Variants in GATAD2A observed in about 807,000 individuals in gnomAD.
The protein encoded by GATAD2A is GATA zinc finger domain containing 2A.
A neutral mutation model predicts 68.5 loss-of-function variants in GATAD2A; 12 were observed. The ratio of observed to expected loss-of-function variants is 0.18; its 90% CI spans 0.11 to 0.28. The LOEUF (loss-of-function observed/expected upper bound fraction) is 0.28. GATAD2A is among the 10% of genes least tolerant of loss of function. The pLI is 1.00. For synonymous variants in GATAD2A, 410 were observed against 375.3 expected (o/e 1.09, Z -1.07); for missense variants, 755 against 868.5 (o/e 0.87, Z 1.64).
chr19:19,394,044 G>A (rs1170752720), intron 1 of GATAD2A, among the ~76,000 whole-genome samples: 2 of 151,786 alleles, frequency 1.3e-5, no homozygotes, highest in African/African-American at 4.8e-5. Context: ...CTGCCACCAC[G>A]GCTGGCTAAT....
intron 1 of GATAD2A, among the ~76,000 whole-genome samples, chr19:19,398,635 G>A (rs1414260312): frequency 6.6e-6 from 1 of 151,338 alleles, no homozygotes; most frequent in African/African-American, 2.4e-5. Context: ...GCCCGGCCTA[G>A]AACAATTTAA....
At chr19:19,393,518 A>G (rs775669873) in intron 1 of GATAD2A, among the ~76,000 whole-genome samples, 13 of 152,312 alleles carry the variant, frequency 8.5e-5, no homozygotes, top group Middle Eastern at 3.4e-3. Flanking sequence ...ATGCTTGGTG[A>G]TGGGGGTCTG....
At chr19:19,415,565 C>G (rs1476396394) in intron 1 of GATAD2A, among the ~76,000 whole-genome samples, 1 of 151,700 alleles carries the variant, frequency 6.6e-6, no homozygotes, top group East Asian at 1.9e-4. Flanking sequence ...TTCTCCTGCC[C>G]CAGCCTCCCA....
intron 1 of GATAD2A, among the ~76,000 whole-genome samples, chr19:19,412,528 A>G (rs1446943898): frequency 6.6e-6 from 1 of 151,440 alleles, no homozygotes. Flanking sequence ...GCTACTTGCG[A>G]GGCTGAGATG....
chr19:19,492,271 A>G (rs2059848875), intron 2 of GATAD2A, 35 bp from the exon 3 acceptor site: 4 of 1,581,752 alleles, frequency 2.5e-6, no homozygotes, highest in African/African-American at 1.4e-5. Flanking sequence ...CCAGCTGTCA[A>G]GGGCGCTCTG....
intron 1 of GATAD2A, among the ~76,000 whole-genome samples, chr19:19,459,430 T>A (rs2057229354): frequency 1.3e-5 from 2 of 152,078 alleles, no homozygotes; most frequent in African/African-American, 4.8e-5. Context: ...TCTCCCACAG[T>A]TCTTTCCATT....
chr19:19,441,402 A>T (rs1286625560), intron 1 of GATAD2A, among the ~76,000 whole-genome samples: 1 of 151,080 alleles, frequency 6.6e-6, no homozygotes, highest in Non-Finnish European at 1.5e-5. Context: ...TTTTATTTTT[A>T]TTTTTGGGCA....
intron 1 of GATAD2A, among the ~76,000 whole-genome samples, chr19:19,437,414 T>TA (rs1182927692): frequency 5.3e-5 from 8 of 152,202 alleles, no homozygotes; most frequent in Non-Finnish European, 1.0e-4. Context: ...ACAGGCAAAT[T>TA]ACACTCAAAA....
At position 19,498,694 on chromosome 19, in the gene GATAD2A, G is replaced by T. The variant is rs2060311525; in HGVS notation, c.1176G>T (p.Glu392Asp). The change falls in exon 8 of 12, where the codon GAG (glutamate) becomes GAT (aspartate). Residue 392 changes from glutamate (E) to aspartate (D), a missense_variant. Coordinates refer to ENST00000683918, the MANE Select transcript of GATAD2A (RefSeq NM_001384528.1). ...TCATCTACCTGGTCGGCCTGGAGGA[G>T]GTGGTGCAGAACCTACTGGAGACAC... ...NEFIYLVGLE[E>D]VVQNLLETQA... 6.2e-7 allele frequency: 1 copy of T among 1,613,184 alleles called. No homozygotes were observed.
At chr19:19,431,411 A>C (rs938598787) in intron 1 of GATAD2A, among the ~76,000 whole-genome samples, 3 of 151,308 alleles carry the variant, frequency 2.0e-5, no homozygotes, top group Non-Finnish European at 4.4e-5. Flanking sequence ...ATATTTATTA[A>C]GCGGCTGGGC....
chr19:19,506,361 G>A lies in GATAD2A; in HGVS notation c.*887G>A, dbSNP rs1440751857. The stretch of plus-strand genomic sequence containing the variant: ...GCCCTGAGCAGAAAGCTGGAGGGGG[G>A]ACTGTCGCGGGGTTTTTCTGTTGTG... On this transcript the variant is annotated 3_prime_UTR_variant, in exon 12 of 12. Coordinates refer to ENST00000683918, the MANE Select transcript of GATAD2A (RefSeq NM_001384528.1). 5.8e-5 allele frequency: 23 copies of A among 396,348 alleles called. No individual in the cohort carries two copies. Among genetic ancestry groups the A allele is most frequent in the Non-Finnish European group, 1.8e-5 (4 of 225,058 alleles). 24.6% of individuals were successfully genotyped at this position (396,348 alleles called of 1,614,324 possible). A position where few individuals can be genotyped will look rare whatever the true frequency, so the allele number is the denominator to read the frequency against.
At chr19:19,429,953 A>G (rs779158557) in intron 1 of GATAD2A, among the ~76,000 whole-genome samples, 1 of 151,962 alleles carries the variant, frequency 6.6e-6, no homozygotes, top group African/African-American at 2.4e-5. Context: ...CACCTCCTCA[A>G]TGTGCCTCTC....
At chr19:19,492,064 G>A (rs751857) in intron 2 of GATAD2A, among the ~76,000 whole-genome samples, 2,436 of 152,262 alleles carry the variant, frequency 0.016, 34 homozygotes, top group Middle Eastern at 0.024. Flanking sequence ...GCGACATGGC[G>A]GCAGGCATGA....
Position 19,470,752 on chromosome 19 carries a change from CAAAAA to C in GATAD2A, c.269+5144_269+5148del, listed in dbSNP as rs144396337. 2.4e-3 allele frequency among the ~76,000 whole-genome samples: 347 copies of C among 144,892 alleles called. 2 individuals are homozygous for C. Among genetic ancestry groups the C allele is most frequent in the South Asian group, 0.017 (77 of 4,570 alleles). ...AAGGCTCCAGTATAGCTGTAAAAAA[CAAAAA>C]AAAAAGGAAGTAACAAGTGTTGAGG... is the stretch of plus-strand genomic sequence containing the variant. On this transcript the variant is annotated intron_variant, in intron 2 of 11. Transcript: ENST00000683918.
upstream of GATAD2A, among the ~76,000 whole-genome samples, chr19:19,403,890 C>T (rs181866934): frequency 1.3e-5 from 2 of 152,294 alleles, no homozygotes; most frequent in African/African-American, 4.8e-5. Flanking sequence ...CTTTGAATTC[C>T]TATACCGAGT....
chr19:19,440,813 T>C (rs1252624238), intron 1 of GATAD2A, among the ~76,000 whole-genome samples: 2 of 152,240 alleles, frequency 1.3e-5, no homozygotes, highest in African/African-American at 4.8e-5. Flanking sequence ...TCAGAACTTA[T>C]TTCTGATAAC....
intron 1 of GATAD2A, among the ~76,000 whole-genome samples, chr19:19,455,382 C>T (rs1005221422): frequency 2.6e-5 from 4 of 151,766 alleles, no homozygotes; most frequent in Non-Finnish European, 4.4e-5. Flanking sequence ...CCCACTTACT[C>T]GGGAGGCCGA....
rs188854038 is a variant in GATAD2A at position 19,423,869 on chromosome 19, A to C, written c.-7+17850A>C. ...CTTGCTGCTTGGCCAGTTGTTCCCC[A>C]GCCACTCTGGATTCGGATCTAGGTG... On this transcript the variant is annotated intron_variant, in intron 1 of 11. Transcript: ENST00000683918. 3.0e-4 allele frequency among the ~76,000 whole-genome samples: 45 copies of C among 152,180 alleles called. 1 individual carries two copies. Among genetic ancestry groups the C allele is most frequent in the African/African-American group, 1.0e-3 (43 of 41,510 alleles).
intron 8 of GATAD2A, among the ~76,000 whole-genome samples, 163 bp from the exon 9 acceptor site, chr19:19,500,955 G>A (rs1278062708): frequency 2.0e-5 from 3 of 152,220 alleles, no homozygotes; most frequent in Admixed American, 2.0e-4. Context: ...GAAGCTGTTC[G>A]GCGTTGGCCG....
Sources: allele counts gnomAD v4.1 joint callset (sites outside exome capture counted in the v4.1 genomes callset), GRCh38; gene constraint gnomAD v4.1.1; transcripts MANE v1.5; gene names NCBI Gene and HGNC (gene_info 2026-07-23, HGNC 2026-07-21).